Variants in STT3B observed in about 807,000 individuals in gnomAD.
The protein encoded by STT3B is STT3 oligosaccharyltransferase complex catalytic subunit B.
In STT3B, 29 loss-of-function variants were observed where a neutral mutation model predicts 96.8. The observed-to-expected ratio is 0.30, with a 90% CI of 0.22 to 0.41. STT3B has a LOEUF of 0.41. STT3B is among the 10% of genes least tolerant of loss of function. The pLI is 1.00. For synonymous variants in STT3B, 367 were observed against 360.0 expected (o/e 1.02, Z -0.22); for missense variants, 640 against 1,022.3 (o/e 0.63, Z 5.10).
chr3:31,622,238 G>T lies in STT3B; in HGVS notation c.1469G>T (p.Arg490Met). ...FEHYLGDDMK[R>M]ENPPVEDSSD... ...CACTATTTGGGGGATGACATGAAAA[G>T]GGAAAATCCACCTGTGGAGGACAGC... Residue 490 changes from arginine to methionine, a missense_variant, in exon 10 of 16, where the codon AGG (arginine) becomes ATG (methionine). Around this residue, in one of 8 missense-constraint regions of STT3B, gnomAD observed 149 missense variants for 250.2 expected, o/e 0.60. Transcript: ENST00000295770. The T allele has an allele frequency of 6.2e-7, 1 of 1,614,140 alleles. No homozygotes were observed. Among genetic ancestry groups the T allele is most frequent in the East Asian group, 2.2e-5 (1 of 44,876 alleles).
chr3:31,592,128 T>G (rs778760668), intron 3 of STT3B, among the ~76,000 whole-genome samples: 3 of 152,186 alleles, frequency 2.0e-5, no homozygotes, highest in Non-Finnish European at 4.4e-5. Flanking sequence ...CCTTTCCACC[T>G]TCCCCTCCGC....
In STT3B at chr3:31,552,793, A is replaced by C. The variant is rs773777134; in HGVS notation, c.314+19481A>C. The stretch of plus-strand genomic sequence containing the variant: ...TAGTATCTTTAGCACCCAGTGTGAT[A>C]CATAAGATAGGCTCTTAAAACCAAA... On this transcript the variant is annotated intron_variant, in intron 1 of 15. Coordinates refer to ENST00000295770, the MANE Select transcript of STT3B (RefSeq NM_178862.3). Among the ~76,000 whole-genome samples, 186 of 152,308 alleles carry C rather than the reference A, an allele frequency of 1.2e-3. 2 individuals carry two copies. Among genetic ancestry groups the C allele is most frequent in the Non-Finnish European group, 1.4e-3 (97 of 68,022 alleles).
intron 1 of STT3B, among the ~76,000 whole-genome samples, chr3:31,572,020 T>TAATATATATTAATATATGATATA: frequency 2.2e-5 from 1 of 45,108 alleles, no homozygotes; most frequent in Non-Finnish European, 1.0e-4. Flanking sequence ...TTAAACATAT[T>TAATATATATTAATATATGATATA]AATATATATT....
At chr3:31,582,727 A>G (rs1487862166) in intron 3 of STT3B, among the ~76,000 whole-genome samples, 1 of 151,912 alleles carries the variant, frequency 6.6e-6, no homozygotes, top group Non-Finnish European at 1.5e-5. Context: ...ACGGTGTCTC[A>G]TAAGTTCTGA....
At chr3:31,577,703 TAGAG>T (rs1300913277) in intron 2 of STT3B, among the ~76,000 whole-genome samples, 5 of 152,192 alleles carry the variant, frequency 3.3e-5, no homozygotes, top group East Asian at 1.9e-4. Flanking sequence ...TTGATGTAAA[TAGAG>T]AGAAAGACAT....
intron 3 of STT3B, among the ~76,000 whole-genome samples, chr3:31,592,129 T>G (rs1698678660): frequency 2.0e-5 from 3 of 152,138 alleles, no homozygotes; most frequent in Non-Finnish European, 4.4e-5. Flanking sequence ...CTTTCCACCT[T>G]CCCCTCCGCC....
At chr3:31,561,554 C>T (rs1001233987) in intron 1 of STT3B, among the ~76,000 whole-genome samples, 2 of 152,008 alleles carry the variant, frequency 1.3e-5, no homozygotes, top group Non-Finnish European at 2.9e-5. Context: ...ATTTAACCAT[C>T]CCCACCTCCC....
chr3:31,534,248 C>T (rs982361499), intron 1 of STT3B, among the ~76,000 whole-genome samples: 1 of 152,208 alleles, frequency 6.6e-6, no homozygotes, highest in Non-Finnish European at 1.5e-5. Context: ...CGAAGTTGCA[C>T]ATGGTGTAAG....
intron 1 of STT3B, among the ~76,000 whole-genome samples, chr3:31,574,003 G>A (rs1698212479): frequency 6.6e-6 from 1 of 152,078 alleles, no homozygotes; most frequent in Non-Finnish European, 1.5e-5. Flanking sequence ...TATATAAAAT[G>A]GAAAGTGAAA....
chr3:31,631,900 T>C (rs1699671374), intron 14 of STT3B, among the ~76,000 whole-genome samples: 1 of 152,048 alleles, frequency 6.6e-6, no homozygotes, highest in Admixed American at 6.6e-5. Context: ...CTGTGGCCCA[T>C]ACTGGAGTAC....
At position 31,636,048 on chromosome 3, in the gene STT3B, C is replaced by CT; in HGVS notation, c.2466dup (p.Lys823Ter). On this transcript the variant is annotated frameshift_variant, in exon 16 of 16. Transcript: ENST00000295770. LOFTEE classifies it high-confidence loss of function. ...GTTTTTAAGAAAGGCAAGAAAATAT[C>CT]TAAGAAGACTGTTTAAATGCACTGT... 1 of 1,607,882 alleles carries CT rather than the reference C, an allele frequency of 6.2e-7. No homozygotes were observed.
At chr3:31,626,248 C>A in intron 13 of STT3B, 121 bp downstream of exon 13, 1 of 884,416 alleles carries the variant, frequency 1.1e-6, no homozygotes, top group Non-Finnish European at 1.7e-6. Context: ...AGTTCCTTAC[C>A]CTGGCTTTAC....
intron 1 of STT3B, among the ~76,000 whole-genome samples, chr3:31,534,817 T>A (rs1449202516): frequency 3.9e-5 from 6 of 152,226 alleles, no homozygotes; most frequent in Admixed American, 6.5e-5. Flanking sequence ...CTAGTTTTTT[T>A]AAAAAATAAC....
At chr3:31,555,409 A>G (rs940732507) in intron 1 of STT3B, among the ~76,000 whole-genome samples, 19 of 152,184 alleles carry the variant, frequency 1.2e-4, no homozygotes, top group Non-Finnish European at 2.2e-4. Flanking sequence ...GCATTTTGAT[A>G]TCTGTATTCT....
intron 5 of STT3B, among the ~76,000 whole-genome samples, chr3:31,606,789 G>C (rs565084727): frequency 5.6e-4 from 85 of 152,292 alleles, no homozygotes; most frequent in African/African-American, 1.8e-3. Flanking sequence ...CCGTCTTCCA[G>C]ACCTCAGAAT....
chr3:31,595,499 G>T (rs552109498), intron 3 of STT3B, among the ~76,000 whole-genome samples: 1 of 151,914 alleles, frequency 6.6e-6, no homozygotes, highest in South Asian at 2.1e-4. Flanking sequence ...CTTTTACATA[G>T]ATTTTGTTAC....
In STT3B at chr3:31,567,781, G is replaced by T. The variant is rs183346519; in HGVS notation, c.315-8615G>T. 1.6e-4 allele frequency among the ~76,000 whole-genome samples: 24 copies of T among 152,228 alleles called. No individual in the cohort carries two copies. The East Asian group carries it at 4.6e-3, about 29-fold the overall frequency. On this transcript the variant is annotated intron_variant, in intron 1 of 15. Coordinates refer to ENST00000295770, the MANE Select transcript of STT3B (RefSeq NM_178862.3). ...TGATGTTTTGGTACAGGCATACAATGTGTAGAAGTCAAATCCAGGTAATTG... is the reference window on the plus strand; with the variant it reads ...TGATGTTTTGGTACAGGCATACAATTTGTAGAAGTCAAATCCAGGTAATTG...
At chr3:31,575,224 G>C (rs1698239117) in intron 1 of STT3B, among the ~76,000 whole-genome samples, 1 of 151,998 alleles carries the variant, frequency 6.6e-6, no homozygotes, top group African/African-American at 2.4e-5. Context: ...TGGTCAGTGT[G>C]GAACTAACAT....
At position 31,606,267 on chromosome 3, in the gene STT3B, T is replaced by C. The variant is rs1449127630; in HGVS notation, c.877+5808T>C. Among the ~76,000 whole-genome samples the C allele has an allele frequency of 3.3e-5, 5 of 152,058 alleles. No individual in the cohort carries two copies. The East Asian group carries it at 9.7e-4, about 29-fold the overall frequency. On this transcript the variant is annotated intron_variant, in intron 5 of 15. Transcript: ENST00000295770. ...GAAATTGAAGCAGGCTGCAGAAATA[T>C]GTGTAAGTAACAAAGAGCCAACTGT...
Sources: allele counts gnomAD v4.1 joint callset (sites outside exome capture counted in the v4.1 genomes callset), GRCh38; gene constraint gnomAD v4.1.1; regional missense constraint gnomAD v4.1.1; transcripts MANE v1.5; gene names NCBI Gene and HGNC (gene_info 2026-07-23, HGNC 2026-07-21).